The following MAGI2 variants were observed in gnomAD, a reference collection of about 807,000 sequenced individuals.
MAGI2 encodes the protein membrane-associated guanylate kinase, WW and PDZ domain-containing protein 2.
In MAGI2, 35 loss-of-function variants were observed where a neutral mutation model predicts 133.3. That is an observed-to-expected ratio of 0.26 (90% CI 0.20 to 0.35). MAGI2 has a LOEUF of 0.35. Ranked by LOEUF, MAGI2 falls within the 10% of genes least tolerant of loss-of-function variation. MAGI2 has a pLI of 1.00. For missense variants in MAGI2, 1,636 were observed against 1,863.4 expected, an observed-to-expected ratio of 0.88 and a Z score of 2.25; for synonymous variants, 729 against 710.6, an observed-to-expected ratio of 1.03 and a Z score of -0.41.
At chr7:79,275,003 C>T (rs1438750547) in intron 1 of MAGI2, among the ~76,000 whole-genome samples, 2 of 152,136 alleles carry the variant, frequency 1.3e-5, no homozygotes, top group African/African-American at 2.4e-5. Context: ...TCCTCTCTCT[C>T]TTTCTCTTCA....
intron 1 of MAGI2, among the ~76,000 whole-genome samples, chr7:79,139,431 G>A (rs1821912392): frequency 6.6e-6 from 1 of 152,106 alleles, no homozygotes; most frequent in Non-Finnish European, 1.5e-5. Context: ...ACTCAGGGAG[G>A]TTACACTTGG....
chr7:79,313,628 T>A (rs1838467978), intron 1 of MAGI2, among the ~76,000 whole-genome samples: 1 of 152,118 alleles, frequency 6.6e-6, no homozygotes, highest in South Asian at 2.1e-4. Flanking sequence ...ATAAAGATAA[T>A]AAGGAGAGCC....
intron 1 of MAGI2, among the ~76,000 whole-genome samples, chr7:79,221,170 T>A (rs1231111308): frequency 1.8e-4 from 27 of 152,090 alleles, no homozygotes; most frequent in Admixed American, 1.7e-3. Context: ...ATGAAATGAC[T>A]GCCTTTCATG....
intron 1 of MAGI2, among the ~76,000 whole-genome samples, chr7:79,373,462 T>C (rs939792445): frequency 2.0e-5 from 3 of 151,956 alleles, no homozygotes; most frequent in East Asian, 1.9e-4. Context: ...AAAATAATTA[T>C]GTATAAGAAG....
At chr7:78,592,171 C>T (rs561725515) in intron 3 of MAGI2, among the ~76,000 whole-genome samples, 8 of 152,222 alleles carry the variant, frequency 5.3e-5, no homozygotes, top group Admixed American at 2.6e-4. Context: ...TAGCACTTTC[C>T]GGTGCTAAAA....
chr7:79,182,842 A>C (rs2129550443), intron 1 of MAGI2, among the ~76,000 whole-genome samples: 1 of 152,110 alleles, frequency 6.6e-6, no homozygotes, highest in African/African-American at 2.4e-5. Context: ...AAAATGTGGT[A>C]TATATGCAAT....
chr7:78,610,974 T>C (rs1382998468), intron 3 of MAGI2, among the ~76,000 whole-genome samples: 3 of 152,236 alleles, frequency 2.0e-5, no homozygotes, highest in Non-Finnish European at 4.4e-5. Context: ...ACTTCTCCCC[T>C]TTCTACTTCA....
At chr7:78,475,087 G>C (rs1791608441) in intron 6 of MAGI2, among the ~76,000 whole-genome samples, 1 of 151,938 alleles carries the variant, frequency 6.6e-6, no homozygotes. Flanking sequence ...AACATACCAA[G>C]TTGGCGTTTG....
At chr7:79,174,533 C>A (rs75636051) in intron 1 of MAGI2, among the ~76,000 whole-genome samples, 8,209 of 151,838 alleles carry the variant, frequency 0.054, 455 homozygotes, top group East Asian at 0.16. Flanking sequence ...GTATACCCTT[C>A]ATGTGTAAAG....
intron 2 of MAGI2, among the ~76,000 whole-genome samples, chr7:78,890,335 A>G (rs1796638181): frequency 6.6e-6 from 1 of 152,148 alleles, no homozygotes; most frequent in Non-Finnish European, 1.5e-5. Context: ...GAAACTTAAC[A>G]AGGATATCCA....
chr7:79,347,222 G>A (rs73156072), intron 1 of MAGI2, among the ~76,000 whole-genome samples: 47,065 of 151,708 alleles, frequency 0.31, 7,598 homozygotes, highest in Admixed American at 0.38. Context: ...TCATGTCGAC[G>A]TCTTGCAGAA....
intron 2 of MAGI2, among the ~76,000 whole-genome samples, chr7:78,966,744 T>C (rs1390240976): frequency 3.3e-5 from 5 of 151,922 alleles, no homozygotes; most frequent in Admixed American, 3.3e-4. Flanking sequence ...TCAAAGAACC[T>C]CCATAATGTT....
intron 20 of MAGI2, among the ~76,000 whole-genome samples, chr7:78,123,375 C>T (rs373495912): frequency 6.6e-6 from 1 of 152,172 alleles, no homozygotes; most frequent in Non-Finnish European, 1.5e-5. Context: ...CCTATATACA[C>T]TGTTTTCCCT....
chr7:78,158,439 C>T (rs1294525739), intron 16 of MAGI2: 2 of 152,126 alleles, frequency 1.3e-5, no homozygotes, highest in Non-Finnish European at 2.9e-5. Context: ...TGACTGTCAC[C>T]TGTTGTATAG....
intron 1 of MAGI2, among the ~76,000 whole-genome samples, chr7:79,059,401 G>A (rs1002632602): frequency 6.6e-6 from 1 of 151,940 alleles, no homozygotes; most frequent in African/African-American, 2.4e-5. Flanking sequence ...AGAAAGCATA[G>A]GTTAAAATAA....
At chr7:79,259,130 C>G (rs768799669) in intron 1 of MAGI2, among the ~76,000 whole-genome samples, 3 of 152,102 alleles carry the variant, frequency 2.0e-5, no homozygotes, top group Non-Finnish European at 4.4e-5. Context: ...CTTTCAGTGC[C>G]TAGAGATGAA....
rs201440014 is a variant in MAGI2, at chr7:79,264,857, C to CAG, written c.301+188162_301+188163insCT. On this transcript the variant is annotated intron_variant, in intron 1 of 21. Coordinates refer to ENST00000354212, the MANE Select transcript of MAGI2 (RefSeq NM_012301.4). ...ATGGCAAGAGAGGAAACGAGAGAGA[C>CAG]ACAGAGAGAGAGAGAGAGAGAGAGC... Among the ~76,000 whole-genome samples the CAG allele has an allele frequency of 9.5e-3, 1,435 of 150,992 alleles. 34 individuals are homozygous for CAG. Among genetic ancestry groups the CAG allele is most frequent in the African/African-American group, 0.032 (1,320 of 41,094 alleles).
rs576943230 is a variant in MAGI2 at position 78,866,598 on chromosome 7, G to A, written c.418+140492C>T. 5.1e-4 allele frequency among the ~76,000 whole-genome samples: 77 copies of A among 151,972 alleles called. 1 individual carries two copies. In the South Asian group the frequency reaches 0.015, roughly 29 times the overall value. ...TGGTCCTGCTAGTTTCCTGCTTATC[G>A]GGGCTGCTGGAACCACCCTGTGCTG... On this transcript the variant is annotated intron_variant, in intron 2 of 21. Coordinates refer to ENST00000354212, the MANE Select transcript of MAGI2 (RefSeq NM_012301.4).
intron 1 of MAGI2, among the ~76,000 whole-genome samples, chr7:79,391,080 G>A (rs905311869): frequency 2.0e-5 from 3 of 152,160 alleles, no homozygotes; most frequent in African/African-American, 7.2e-5. Flanking sequence ...CCAGGGCTCT[G>A]TTTATCCCTG....
Sources: allele counts gnomAD v4.1 joint callset (sites outside exome capture counted in the v4.1 genomes callset), GRCh38; gene constraint gnomAD v4.1.1; transcripts MANE v1.5; gene names NCBI Gene and HGNC (gene_info 2026-07-23, HGNC 2026-07-21).